The following PAWR variants were observed in gnomAD, a reference collection of about 807,000 sequenced individuals.
PAWR encodes the protein pro-apoptotic WT1 regulator.
PAWR carries 23 observed loss-of-function variants against 32.0 expected under a neutral mutation model. The ratio of observed to expected loss-of-function variants is 0.72; its 90% CI spans 0.52 to 1.02. PAWR has a LOEUF of 1.02. PAWR is among the 50% of genes least tolerant of loss of function. The probability of loss-of-function intolerance (pLI) is 0.00; values close to 1 mark genes in which losing one functional copy is unlikely to be tolerated. For synonymous variants in PAWR, 226 were observed against 187.1 expected (o/e 1.21, Z -1.70); for missense variants, 457 against 437.7 (o/e 1.04, Z -0.39).
intron 2 of PAWR, among the ~76,000 whole-genome samples, chr12:79,676,988 T>C (rs1878201383): frequency 6.6e-6 from 1 of 152,246 alleles, no homozygotes; most frequent in Non-Finnish European, 1.5e-5. Context: ...ACTCATTTTT[T>C]AATGTTCAAG....
chr12:79,597,237 T>C (rs1051044044), intron 4 of PAWR: 1 of 152,170 alleles, frequency 6.6e-6, no homozygotes, highest in Admixed American at 6.6e-5. Flanking sequence ...TTATTTTGTA[T>C]TTCTTTTTTC....
chr12:79,656,354 T>C lies in PAWR; in HGVS notation c.516+33375A>G, dbSNP rs1592535198. The stretch of plus-strand genomic sequence containing the variant: ...ATACTGGTAGCCTGAACTAGTGTGG[T>C]AGTAATGAGAATGGGAGAGAAGTAG... On this transcript the variant is annotated intron_variant, in intron 2 of 6. Coordinates refer to ENST00000328827, the MANE Select transcript of PAWR (RefSeq NM_002583.4). 3.9e-5 allele frequency among the ~76,000 whole-genome samples: 6 copies of C among 152,300 alleles called. 1 individual carries two copies. The South Asian group carries it at 6.2e-4, about 16-fold the overall frequency.
intron 2 of PAWR, among the ~76,000 whole-genome samples, chr12:79,688,626 G>C (rs987946179): frequency 6.6e-6 from 1 of 152,032 alleles, no homozygotes; most frequent in Non-Finnish European, 1.5e-5. Context: ...ATATAAATAC[G>C]TCCTACAAAG....
At chr12:79,677,126 T>A (rs930800284) in intron 2 of PAWR, among the ~76,000 whole-genome samples, 1 of 152,202 alleles carries the variant, frequency 6.6e-6, no homozygotes, top group African/African-American at 2.4e-5. Context: ...TCAAAAGGCC[T>A]AGTGCAGTGT....
chr12:79,688,135 C>G (rs1878773722), intron 2 of PAWR, among the ~76,000 whole-genome samples: 1 of 151,860 alleles, frequency 6.6e-6, no homozygotes, highest in South Asian at 2.1e-4. Flanking sequence ...ACTATGTTCT[C>G]TTACTCAAAG....
rs905571846 is a variant in PAWR, at chr12:79,588,089, C to G, written c.*4518G>C. On this transcript the variant is annotated 3_prime_UTR_variant, in exon 7 of 7. Transcript: ENST00000328827. ...AGAATAAAAACCCTGAATAGCATAG[C>G]CAAATCTTCCAAGAAATAAGTTCAC... 2 of 151,882 alleles carry G rather than the reference C, an allele frequency of 1.3e-5. No individual in the cohort carries two copies. The highest frequency in any genetic ancestry group is 2.9e-5 in the Non-Finnish European group (2 of 67,830). The allele number at this position is 151,882 out of a possible 1,614,324, so 9.4% of individuals were successfully genotyped here. A position where few individuals can be genotyped will look rare whatever the true frequency, so the allele number is the denominator to read the frequency against.
intron 2 of PAWR, among the ~76,000 whole-genome samples, chr12:79,665,260 T>G (rs1194722611): frequency 6.6e-6 from 1 of 152,210 alleles, no homozygotes; most frequent in Non-Finnish European, 1.5e-5. Flanking sequence ...ACTATTCTAT[T>G]AAGTTCCAAT....
rs1195890456 is a variant in PAWR at position 79,670,873 on chromosome 12, AG to A, written c.516+18855del. ...AGAATATGTTTGCCACTTTTTTTTTAGGGGTTTTTTTTTTTCATTATTTCCC... is the reference window on the plus strand; with the variant it reads ...AGAATATGTTTGCCACTTTTTTTTTAGGGTTTTTTTTTTTCATTATTTCCC... On this transcript the variant is annotated intron_variant, in intron 2 of 6. Coordinates refer to ENST00000328827, the MANE Select transcript of PAWR (RefSeq NM_002583.4). Among the ~76,000 whole-genome samples the A allele has an allele frequency of 4.8e-3, 726 of 150,216 alleles. 15 individuals carry two copies. Among genetic ancestry groups the A allele is most frequent in the African/African-American group, 0.017 (681 of 40,824 alleles).
intron 4 of PAWR, among the ~76,000 whole-genome samples, chr12:79,609,220 A>T (rs1036137519): frequency 3.9e-5 from 6 of 152,210 alleles, no homozygotes; most frequent in Non-Finnish European, 8.8e-5. Context: ...AAATAAATAA[A>T]TACAGCATTT....
chr12:79,602,551 T>A (rs1874004361), intron 4 of PAWR, among the ~76,000 whole-genome samples: 1 of 151,992 alleles, frequency 6.6e-6, no homozygotes, highest in Non-Finnish European at 1.5e-5. Flanking sequence ...GCTTGGTGAA[T>A]GAATGGATAA....
chr12:79,603,288 C>T (rs904862960), intron 4 of PAWR, among the ~76,000 whole-genome samples: 1 of 151,740 alleles, frequency 6.6e-6, no homozygotes, highest in African/African-American at 2.4e-5. Context: ...AATACCAATA[C>T]ATGAAGAAGA....
chr12:79,647,173 CAAAAAAAAA>C (rs11319978), intron 2 of PAWR, among the ~76,000 whole-genome samples: 1 of 82,418 alleles, frequency 1.2e-5, no homozygotes, highest in African/African-American at 3.2e-5. Context: ...GACTCCATTT[CAAAAAAAAA>C]AAAAAAAAGA....
rs1361419727 is a variant in PAWR, at chr12:79,690,915, G to C, written c.-191C>G. 1 of 152,250 alleles carries C rather than the reference G, an allele frequency of 6.6e-6. No individual in the cohort carries two copies. Among genetic ancestry groups the C allele is most frequent in the Non-Finnish European group, 1.5e-5 (1 of 68,138 alleles). The allele number at this position is 152,250 out of a possible 1,614,324, so 9.4% of individuals were successfully genotyped here. A position where few individuals can be genotyped will look rare whatever the true frequency, so the allele number is the denominator to read the frequency against. On this transcript the variant is annotated 5_prime_UTR_variant, in exon 1 of 7. Coordinates refer to ENST00000328827, the MANE Select transcript of PAWR (RefSeq NM_002583.4). ...GGACGAGGCGTAGGGCTGGGATCCG[G>C]CTCCCAGGTGTGCCGAAGCTGGCGC...
chr12:79,617,495 T>C (rs968415566), intron 3 of PAWR, among the ~76,000 whole-genome samples: 5 of 151,974 alleles, frequency 3.3e-5, no homozygotes, highest in Non-Finnish European at 7.4e-5. Flanking sequence ...TTTAAAGTGA[T>C]TTCTATATCC....
At chr12:79,626,669 C>A (rs931548790) in intron 2 of PAWR, among the ~76,000 whole-genome samples, 2 of 151,252 alleles carry the variant, frequency 1.3e-5, no homozygotes, top group African/African-American at 4.9e-5. Flanking sequence ...ATACATGTGC[C>A]ATGTTGGTGT....
chr12:79,615,649 G>T (rs897146725), intron 3 of PAWR, among the ~76,000 whole-genome samples: 1 of 152,142 alleles, frequency 6.6e-6, no homozygotes, highest in Non-Finnish European at 1.5e-5. Flanking sequence ...TACCAAACAC[G>T]TAAAACAGAT....
chr12:79,602,017 C>G (rs1338257773), intron 4 of PAWR, among the ~76,000 whole-genome samples: 1 of 152,148 alleles, frequency 6.6e-6, no homozygotes, highest in Non-Finnish European at 1.5e-5. Flanking sequence ...CACAAATTCC[C>G]TAATCCCAGA....
Position 79,629,704 on chromosome 12 carries a change from C to T in PAWR, c.517-8497G>A, listed in dbSNP as rs114552560. On this transcript the variant is annotated intron_variant, in intron 2 of 6. Coordinates refer to ENST00000328827, the MANE Select transcript of PAWR (RefSeq NM_002583.4). ...TGTTTTGTTTTGTTTTTCGAAAACT[C>T]ACTGTATGTTCAATAAGACAGAACA... 2.1e-3 allele frequency among the ~76,000 whole-genome samples: 323 copies of T among 152,066 alleles called. 2 individuals carry two copies. Among genetic ancestry groups the T allele is most frequent in the African/African-American group, 7.6e-3 (315 of 41,512 alleles).
At position 79,613,617 on chromosome 12, in the gene PAWR, G is replaced by A; in HGVS notation, c.649-8C>T. 6.6e-7 allele frequency: 1 copy of A among 1,510,146 alleles called. No individual in the cohort carries two copies. The highest frequency in any genetic ancestry group is 9.1e-7 in the Non-Finnish European group (1 of 1,093,208). 93.5% of individuals were successfully genotyped at this position (1,510,146 alleles called of 1,614,324 possible). A position where few individuals can be genotyped will look rare whatever the true frequency, so the allele number is the denominator to read the frequency against. On this transcript the variant is annotated splice_polypyrimidine_tract_variant and splice_region_variant and intron_variant, in intron 3 of 6. Coordinates refer to ENST00000328827, the MANE Select transcript of PAWR (RefSeq NM_002583.4). ...AACTGTTCTAGGTGGCTCCTGCAAA[G>A]TAAAAATAATTATGTATCAGTTTGA...
Sources: gnomAD v4.1 joint callset for allele counts (sites outside exome capture counted in the v4.1 genomes callset) on GRCh38, gnomAD v4.1.1 for gene constraint, MANE v1.5 for transcripts, NCBI Gene and HGNC (gene_info 2026-07-23, HGNC 2026-07-21) for gene names.